Variants in MYO15A observed in about 807,000 individuals in gnomAD.
MYO15A encodes the protein myosin XVA.
In MYO15A, 308 loss-of-function variants were observed where a neutral mutation model predicts 394.6. That is an observed-to-expected ratio of 0.78 (90% CI 0.71 to 0.86). The LOEUF (loss-of-function observed/expected upper bound fraction) is 0.86, where lower values mean the gene tolerates loss of function less well. Ranked by LOEUF, MYO15A falls within the 40% of genes least tolerant of loss-of-function variation. The pLI is 0.00. For missense variants in MYO15A, 4,606 were observed against 4,799.1 expected, an observed-to-expected ratio of 0.96 and a Z score of 1.19; for synonymous variants, 1,957 against 2,003.8, an observed-to-expected ratio of 0.98 and a Z score of 0.62.
At chr17:18,162,028 TTC>T (rs2042434298) in intron 57 of MYO15A, among the ~76,000 whole-genome samples, 1 of 152,172 alleles carries the variant, frequency 6.6e-6, no homozygotes, top group South Asian at 2.1e-4. Flanking sequence ...CTCTGAATGC[TTC>T]TCTCTGATTC....
In MYO15A at chr17:18,120,450, C is replaced by G. The variant is rs1422881835; in HGVS notation, c.1650C>G (p.Gly550=). 2 of 1,579,766 alleles carry G rather than the reference C, an allele frequency of 1.3e-6. No homozygotes were observed. The highest frequency in any genetic ancestry group is 2.7e-5 in the African/African-American group (2 of 74,180). Residue 550 remains glycine, a synonymous_variant, in exon 2 of 66, where the codon GGC becomes GGG. Transcript: ENST00000647165. ...RNLQRALSAF[G]AHRGLGFGPE... is the part of the protein sequence containing the mutation. Reference sequence around the variant, plus strand: ...TCCAGCGCGCGCTGTCGGCCTTCGGCGCCCACCGGGGCCTGGGCTTCGGCC... The same window carrying G: ...TCCAGCGCGCGCTGTCGGCCTTCGGGGCCCACCGGGGCCTGGGCTTCGGCC...
chr17:18,119,328 G>C lies in MYO15A; in HGVS notation c.528G>C (p.Ser176=). The C allele has an allele frequency of 6.2e-7, 1 of 1,609,750 alleles. No homozygotes were observed. Among genetic ancestry groups the C allele is most frequent in the Non-Finnish European group, 8.5e-7 (1 of 1,179,356 alleles). Residue 176 remains serine (S), a synonymous_variant, in exon 2 of 66, where the codon TCG becomes TCC. Transcript: ENST00000647165. ...RMGSRKLPFP[S]GAEILRPGGR... ...GCTCCCGCAAACTCCCCTTCCCGTC[G>C]GGTGCCGAGATCCTGCGGCCTGGGG...
At position 18,167,706 on chromosome 17, in the gene MYO15A, C is replaced by T. The variant is rs2046874681; in HGVS notation, c.10065C>T (p.His3355=). ...LASLQHRAKD[H]FYLPSVREVQ... ...CACTGCAGCATCGCGCCAAGGACCA[C>T]TTCTACCTGCCGAGCGTGTGAGCAT... The change falls in exon 62 of 66, where the codon CAC becomes CAT. Residue 3355 remains histidine, a synonymous_variant. Transcript: ENST00000647165. 1.2e-6 allele frequency: 2 copies of T among 1,603,528 alleles called. No individual in the cohort carries two copies. The highest frequency in any genetic ancestry group is 8.5e-7 in the Non-Finnish European group (1 of 1,179,978).
chr17:18,120,396 G>C lies in MYO15A; in HGVS notation c.1596G>C (p.Trp532Cys). The C allele has an allele frequency of 6.2e-7, 1 of 1,609,580 alleles. No homozygotes were observed. Among genetic ancestry groups the C allele is most frequent in the Non-Finnish European group, 8.5e-7 (1 of 1,179,060 alleles). The change falls in exon 2 of 66, where the codon TGG (tryptophan) becomes TGC (cysteine). Residue 532 changes from tryptophan to cysteine, a missense_variant. By Grantham distance (215) the Trp-to-Cys change is radical (BLOSUM62 -2). This residue lies in a region of MYO15A where 1,830 missense variants were observed against 1,689.7 expected (regional missense o/e 1.08). Coordinates refer to ENST00000647165, the MANE Select transcript of MYO15A (RefSeq NM_016239.4). ...VSAVPYGHPF[W>C]GFLTPRQRNL... is the part of the protein sequence containing the mutation. ...CTGTGCCCTACGGCCACCCTTTCTGGGGCTTCCTCACGCCGCGCCAGCGCA... is the reference window on the plus strand; with the variant it reads ...CTGTGCCCTACGGCCACCCTTTCTGCGGCTTCCTCACGCCGCGCCAGCGCA...
chr17:18,138,821 A>G lies in MYO15A; in HGVS notation c.5018A>G (p.His1673Arg). 6 of 1,613,832 alleles carry G rather than the reference A, an allele frequency of 3.7e-6. No homozygotes were observed. Among genetic ancestry groups the G allele is most frequent in the Non-Finnish European group, 4.2e-6 (5 of 1,179,916 alleles). Residue 1673 changes from histidine (H) to arginine (R), a missense_variant, in exon 18 of 66, where the codon CAC becomes CGC. By Grantham distance (29) the His-to-Arg change is conservative. Around this residue, in one of 2 missense-constraint regions of MYO15A, gnomAD observed 2,776 missense variants for 3,109.3 expected, o/e 0.89. Coordinates refer to ENST00000647165, the MANE Select transcript of MYO15A (RefSeq NM_016239.4). ...DQCCFPQATD[H>R]TFLQKCHYHH... ...CTAAATTGCCCCCAGGCTACAGACC[A>G]CACCTTCCTACAGAAGTGCCACTAC... is the stretch of plus-strand genomic sequence containing the variant.
chr17:18,122,074 G>T lies in MYO15A; in HGVS notation c.3274G>T (p.Ala1092Ser). The T allele has an allele frequency of 6.2e-7, 1 of 1,612,862 alleles. No homozygotes were observed. Among genetic ancestry groups the T allele is most frequent in the South Asian group, 1.1e-5 (1 of 91,076 alleles). Reference sequence around the variant, plus strand: ...ACTGCCCCAAGCCGCAGCCCCCTTGGCGCCCATCAGGGCCCCAGAGCCCCT... The same window carrying T: ...ACTGCCCCAAGCCGCAGCCCCCTTGTCGCCCATCAGGGCCCCAGAGCCCCT... The part of the protein sequence containing the change: ...GTLPQAAAPL[A>S]PIRAPEPLPK... Residue 1092 changes from alanine (A) to serine (S), a missense_variant, in exon 2 of 66, where the codon GCG (alanine) becomes TCG (serine). Ala to Ser is a moderately conservative substitution (Grantham distance 99). Transcript: ENST00000647165.
chr17:18,119,466 G>A lies in MYO15A; in HGVS notation c.666G>A (p.Ser222=). Reference sequence around the variant, plus strand: ...TCCATCACTCGGGCTCCCGCAAGTCGCTGTACGGGCTTGAGGGCTTCCAGG... The same window carrying A: ...TCCATCACTCGGGCTCCCGCAAGTCACTGTACGGGCTTGAGGGCTTCCAGG... ...APFHHSGSRK[S]LYGLEGFQDL... The change falls in exon 2 of 66, where the codon TCG becomes TCA. Residue 222 remains serine, a synonymous_variant. Coordinates refer to ENST00000647165, the MANE Select transcript of MYO15A (RefSeq NM_016239.4). 1.9e-6 allele frequency: 3 copies of A among 1,612,644 alleles called. No individual in the cohort carries two copies. The Admixed American group carries it at 5.0e-5, about 27-fold the overall frequency.
intron 62 of MYO15A, among the ~76,000 whole-genome samples, chr17:18,168,545 G>A (rs1424209657): frequency 6.7e-6 from 1 of 150,058 alleles, no homozygotes; most frequent in Non-Finnish European, 1.5e-5. Flanking sequence ...TCCAACCGGG[G>A]TGACAGAGCA....
chr17:18,116,294 G>A lies in MYO15A; in HGVS notation c.-219-2288G>A, dbSNP rs114486689. On this transcript the variant is annotated intron_variant, in intron 1 of 65. Transcript: ENST00000647165. ...CAGGAGCAGGTTGTGGGGTTAGCAC[G>A]ACTATGCTCCTGGCTCTGCCCAGTG... Among the ~76,000 whole-genome samples the A allele has an allele frequency of 8.5e-4, 129 of 152,328 alleles. 1 individual carries two copies. Among genetic ancestry groups the A allele is most frequent in the African/African-American group, 3.0e-3 (124 of 41,566 alleles).
In MYO15A at chr17:18,161,424, G is replaced by A. The variant is rs780281329; in HGVS notation, c.9494G>A (p.Arg3165Gln). The A allele has an allele frequency of 5.6e-5, 90 of 1,613,864 alleles. No individual in the cohort carries two copies. Among genetic ancestry groups the A allele is most frequent in the East Asian group, 1.1e-4 (5 of 44,882 alleles). Residue 3165 changes from arginine (R) to glutamine (Q), a missense_variant, in exon 57 of 66, where the codon CGG becomes CAG. Arg to Gln is a conservative substitution (Grantham distance 43, BLOSUM62 1). Transcript: ENST00000647165. ...ACTCGCTTCCTCCAAGACGTGAGCC[G>A]GACCCCAGGCCTGCCCTTTCAGGGT... ...HLTRFLQDVS[R>Q]TPGLPFQGIA...
intron 56 of MYO15A, chr17:18,160,799 C>T (rs1314921356): frequency 3.8e-6 from 1 of 266,386 alleles, no homozygotes; most frequent in Non-Finnish European, 7.4e-6. Flanking sequence ...CTGTGTTCCA[C>T]TCATGCAGGG....
At chr17:18,145,410 G>A (rs937922202) in intron 29 of MYO15A, among the ~76,000 whole-genome samples, 12 of 152,232 alleles carry the variant, frequency 7.9e-5, no homozygotes, top group Admixed American at 2.0e-4. Flanking sequence ...CTGGTCATTC[G>A]GCATAGAATA....
At chr17:18,163,924 G>A in intron 60 of MYO15A, 86 bp downstream of exon 60, 1 of 1,393,838 alleles carries the variant, frequency 7.2e-7, no homozygotes, top group Non-Finnish European at 1.0e-6. Flanking sequence ...AGATTTTAGG[G>A]CCCAAGTCAG....
At chr17:18,168,856 C>T (rs1443895792) in intron 62 of MYO15A, among the ~76,000 whole-genome samples, 1 of 151,750 alleles carries the variant, frequency 6.6e-6, no homozygotes, top group South Asian at 2.1e-4. Flanking sequence ...AATCCCAGTA[C>T]TTTGGGAGGC....
intron 42 of MYO15A, among the ~76,000 whole-genome samples, chr17:18,152,671 C>T (rs2046604421): frequency 1.3e-5 from 2 of 152,140 alleles, no homozygotes; most frequent in African/African-American, 2.4e-5. Flanking sequence ...TCACCGTGGC[C>T]TATGAGACGC....
Position 18,125,232 on chromosome 17 carries a change from G to A in MYO15A, c.3756+1G>A, listed in dbSNP as rs748108031. 9.3e-6 allele frequency: 15 copies of A among 1,613,922 alleles called. No homozygotes were observed. The highest frequency in any genetic ancestry group is 1.1e-5 in the South Asian group (1 of 91,086). On this transcript the variant is annotated splice_donor_variant, in intron 4 of 65. Coordinates refer to ENST00000647165, the MANE Select transcript of MYO15A (RefSeq NM_016239.4). LOFTEE classifies it high-confidence loss of function. ...TAGATTTGAACGGAACCTCATCTAC[G>A]TAAGGCCTGGGGCTGGCCCTGCCCT...
In MYO15A at chr17:18,157,705, C is replaced by T; in HGVS notation, c.8789-17C>T. 1 of 1,604,414 alleles carries T rather than the reference C, an allele frequency of 6.2e-7. No homozygotes were observed. Among genetic ancestry groups the T allele is most frequent in the Non-Finnish European group, 8.5e-7 (1 of 1,179,848 alleles). The stretch of plus-strand genomic sequence containing the variant: ...CAAGACCCTCCTGTTTGCCTCAGAC[C>T]TTTTACCCACCCCTAGGCTGGAGGT... On this transcript the variant is annotated splice_polypyrimidine_tract_variant and intron_variant, in intron 50 of 65. Coordinates refer to ENST00000647165, the MANE Select transcript of MYO15A (RefSeq NM_016239.4).
chr17:18,144,602 C>G lies in MYO15A; in HGVS notation c.6273+10C>G. ...GAGCATCTTCAAGCTGGTATGGGGT[C>G]TGCCCCAGCCCACCTTCTAATTCTT... On this transcript the variant is annotated intron_variant, in intron 29 of 65. Transcript: ENST00000647165. 1.2e-6 allele frequency: 2 copies of G among 1,609,830 alleles called. No individual in the cohort carries two copies. The highest frequency in any genetic ancestry group is 1.7e-6 in the Non-Finnish European group (2 of 1,179,362).
At chr17:18,136,137 T>G (rs571197935) in intron 13 of MYO15A, among the ~76,000 whole-genome samples, 1 of 152,294 alleles carries the variant, frequency 6.6e-6, no homozygotes, top group South Asian at 2.1e-4. Flanking sequence ...CCTCCTCTGG[T>G]CTTTCACAGT....
Sources: gnomAD v4.1 joint callset for allele counts (sites outside exome capture counted in the v4.1 genomes callset) on GRCh38, gnomAD v4.1.1 for gene constraint, gnomAD v4.1.1 regional missense constraint, MANE v1.5 for transcripts, NCBI Gene and HGNC (gene_info 2026-07-23, HGNC 2026-07-21) for gene names.